PAK3: variants seen among roughly 807,000 people sequenced by gnomAD.
PAK3 encodes the protein p21 (RAC1) activated kinase 3.
Under a neutral mutation model 41.0 loss-of-function variants are expected in PAK3, and 4 were observed. The ratio of observed to expected loss-of-function variants is 0.10; its 90% CI spans 0.05 to 0.22. PAK3 has a LOEUF of 0.22. Among genes scored for constraint, PAK3 ranks in the 10% least tolerant of loss-of-function variants. The pLI is 1.00. For synonymous variants in PAK3, 146 were observed against 139.6 expected (o/e 1.05, Z -0.32); for missense variants, 205 against 409.9 (o/e 0.50, Z 4.32).
chrX:111,135,032 C>T (rs1276324171), intron 5 of PAK3, among the ~76,000 whole-genome samples: 1 of 110,870 alleles, frequency 9.0e-6, no homozygotes, highest in Non-Finnish European at 1.9e-5. Flanking sequence ...GCAATGATAT[C>T]AGATTTGTGT....
intron 1 of PAK3, among the ~76,000 whole-genome samples, chrX:110,980,517 T>C (rs1327529482): frequency 9.0e-6 from 1 of 111,345 alleles, no homozygotes; most frequent in East Asian, 2.8e-4. Flanking sequence ...TGCTTTTCTG[T>C]CTATTGTAGG....
chrX:111,161,853 G>C (rs2094194295), intron 8 of PAK3, among the ~76,000 whole-genome samples: 1 of 111,512 alleles, frequency 9.0e-6, no homozygotes, highest in Admixed American at 9.6e-5. Context: ...GTACCATGCT[G>C]TTTTGGTTAC....
intron 8 of PAK3, among the ~76,000 whole-genome samples, chrX:111,153,987 G>A (rs780073659): frequency 4.5e-5 from 5 of 111,853 alleles, no homozygotes; most frequent in African/African-American, 1.3e-4. Context: ...ATTCTGACAC[G>A]TTACAACATG....
chrX:111,162,893 TA>T, intron 8 of PAK3, 21 bp from the exon 9 acceptor site: 1 of 1,194,718 alleles, frequency 8.4e-7, no homozygotes, highest in Non-Finnish European at 1.1e-6. Context: ...ACCTGATCTT[TA>T]AACTTTGTTT....
At chrX:110,953,730 G>A (rs2090793126) in intron 1 of PAK3, among the ~76,000 whole-genome samples, 1 of 111,995 alleles carries the variant, frequency 8.9e-6, no homozygotes, top group Admixed American at 9.5e-5. Context: ...TGCACTTGAG[G>A]AGGCTGGCTT....
chrX:111,209,385 T>C (rs2094794048), intron 16 of PAK3, among the ~76,000 whole-genome samples: 1 of 112,403 alleles, frequency 8.9e-6, no homozygotes. Flanking sequence ...GGTTTATATG[T>C]AAATTGCACA....
rs1158045944 is a variant in PAK3 at position 111,075,198 on chromosome X, A to ACTAAAAGGG, written c.-27-47878_-27-47870dup. Among the ~76,000 whole-genome samples, 11 of 112,912 alleles carry ACTAAAAGGG rather than the reference A, an allele frequency of 9.7e-5. No homozygotes were observed. The East Asian group carries it at 2.5e-3, about 26-fold the overall frequency. ...CTGTGGAGCAATTTAGATTATCACA[A>ACTAAAAGGG]CTAAAAGGGAGCCAAGTGCCAGTGT... On this transcript the variant is annotated intron_variant, in intron 1 of 14. Coordinates refer to the PAK3 transcript ENST00000425146.
intron 1 of PAK3, among the ~76,000 whole-genome samples, chrX:111,023,509 C>G (rs1035396315): frequency 1.3e-4 from 15 of 112,265 alleles, no homozygotes; most frequent in Non-Finnish European, 2.3e-4. Flanking sequence ...CTCCCACCAA[C>G]AGTGTAAAAG....
At chrX:111,169,470 T>C (rs1321766411) in intron 10 of PAK3, 4 of 115,756 alleles carry the variant, frequency 3.5e-5, no homozygotes, top group Non-Finnish European at 5.3e-5. Context: ...ACATCTGATA[T>C]ATTAAGTACA....
At chrX:110,949,708 G>A (rs758763581) in intron 1 of PAK3, among the ~76,000 whole-genome samples, 1 of 111,298 alleles carries the variant, frequency 9.0e-6, no homozygotes, top group East Asian at 2.8e-4. Flanking sequence ...AGGGAGTAGA[G>A]TGGAATTTCT....
At chrX:111,197,857 G>A (rs982480904) in intron 16 of PAK3, among the ~76,000 whole-genome samples, 4 of 111,387 alleles carry the variant, frequency 3.6e-5, no homozygotes, top group South Asian at 7.7e-4. Context: ...ACCATGCCTG[G>A]TTAATTTTTT....
chrX:111,008,927 T>G (rs1363903188), intron 1 of PAK3, among the ~76,000 whole-genome samples: 1 of 111,142 alleles, frequency 9.0e-6, no homozygotes, highest in African/African-American at 3.3e-5. Flanking sequence ...CAAATAGGCA[T>G]TTATTGCCCA....
chrX:111,149,338 AC>A (rs2093994456), intron 7 of PAK3, among the ~76,000 whole-genome samples: 1 of 111,446 alleles, frequency 9.0e-6, no homozygotes, highest in Non-Finnish European at 1.9e-5. Context: ...AAGTGGATCT[AC>A]CATTCTGGGA....
intron 1 of PAK3, among the ~76,000 whole-genome samples, chrX:111,029,540 A>C (rs2092316371): frequency 8.9e-6 from 1 of 112,073 alleles, no homozygotes; most frequent in African/African-American, 3.2e-5. Context: ...AATATTATCA[A>C]GAAAGTCATG....
At chrX:111,011,902 C>T (rs1211859787) in intron 1 of PAK3, among the ~76,000 whole-genome samples, 2 of 112,408 alleles carry the variant, frequency 1.8e-5, no homozygotes, top group Admixed American at 9.4e-5. Flanking sequence ...AGATCTGGTA[C>T]ATTCTTTCAA....
At chrX:111,082,358 T>C (rs994184145) in intron 1 of PAK3, among the ~76,000 whole-genome samples, 3 of 111,969 alleles carry the variant, frequency 2.7e-5, no homozygotes, top group African/African-American at 9.7e-5. Context: ...GTGCATGCCA[T>C]TTCATTTGTA....
At chrX:111,166,586 C>G (rs2094258271) in intron 10 of PAK3, among the ~76,000 whole-genome samples, 1 of 111,665 alleles carries the variant, frequency 9.0e-6, no homozygotes, top group Admixed American at 9.5e-5. Context: ...AGGCAGGAGC[C>G]ACCAAGCCTG....
At chrX:111,198,149 C>A (rs191265799) in intron 16 of PAK3, among the ~76,000 whole-genome samples, 1 of 111,901 alleles carries the variant, frequency 8.9e-6, no homozygotes, top group East Asian at 2.8e-4. Flanking sequence ...TGTCTGTTCA[C>A]GTCTTTTGTC....
chrX:111,114,380 G>A (rs1441508024), intron 4 of PAK3, among the ~76,000 whole-genome samples: 1 of 112,087 alleles, frequency 8.9e-6, no homozygotes, highest in African/African-American at 3.2e-5. Flanking sequence ...TTCATGCACA[G>A]ATGGGTTACT....
Sources: gnomAD v4.1 joint callset for allele counts (sites outside exome capture counted in the v4.1 genomes callset) on GRCh38, gnomAD v4.1.1 for gene constraint, MANE v1.5 for transcripts, NCBI Gene and HGNC (gene_info 2026-07-23, HGNC 2026-07-21) for gene names.